The following PAPPA2 variants were observed in gnomAD, a reference collection of about 807,000 sequenced individuals.
The protein encoded by PAPPA2 is pappalysin 2.
A neutral mutation model predicts 176.4 loss-of-function variants in PAPPA2; 86 were observed. The observed-to-expected ratio is 0.49, with a 90% CI of 0.41 to 0.58. The LOEUF is 0.58. Ranked by LOEUF, PAPPA2 falls within the 20% of genes least tolerant of loss-of-function variation. PAPPA2 has a pLI of 0.00. For synonymous variants in PAPPA2, 809 were observed against 852.2 expected (o/e 0.95, Z 0.88); for missense variants, 2,073 against 2,256.9 (o/e 0.92, Z 1.65).
chr1:176,595,485 C>T lies in PAPPA2; in HGVS notation c.1881C>T (p.Leu627=). Residue 627 remains leucine, a synonymous_variant, in exon 3 of 23, where the codon CTC becomes CTT. Coordinates refer to ENST00000367662, the MANE Select transcript of PAPPA2 (RefSeq NM_020318.3). ...RCYSWNRRDG[L]CHVECNNMLN... is the part of the protein sequence containing the mutation. ...ACTCCTGGAACCGCAGGGATGGGCT[C>T]TGTCACGTGGAGTGTAACAACATGC... 6.2e-7 allele frequency: 1 copy of T among 1,614,232 alleles called. No individual in the cohort carries two copies. Among genetic ancestry groups the T allele is most frequent in the Non-Finnish European group, 8.5e-7 (1 of 1,180,036 alleles).
Position 176,592,008 on chromosome 1 carries a change from G to T in PAPPA2, c.920-2516G>T, listed in dbSNP as rs114782104. Among the ~76,000 whole-genome samples the T allele has an allele frequency of 7.1e-3, 1,088 of 152,230 alleles. 10 individuals carry two copies. Among genetic ancestry groups the T allele is most frequent in the Middle Eastern group, 0.024 (7 of 294 alleles). ...GGAATTTGATTTCTTTTGTAATATG[G>T]TATAAGCTCTCAATATGGCTTCAAA... On this transcript the variant is annotated intron_variant, in intron 2 of 22. Coordinates refer to ENST00000367662, the MANE Select transcript of PAPPA2 (RefSeq NM_020318.3).
At chr1:176,670,833 G>A (rs1417551376) in intron 3 of PAPPA2, 137 bp from the exon 4 acceptor site, 1 of 1,003,670 alleles carries the variant, frequency 1.0e-6, no homozygotes, top group African/African-American at 1.6e-5. Flanking sequence ...CTTCATGACA[G>A]GCTGGTCTCT....
intron 3 of PAPPA2, among the ~76,000 whole-genome samples, chr1:176,602,810 G>A (rs1189297571): frequency 6.6e-6 from 1 of 152,134 alleles, no homozygotes; most frequent in Non-Finnish European, 1.5e-5. Context: ...ACTGGCAATG[G>A]GAATAGAAGG....
At chr1:176,500,821 G>A (rs1041766120) in intron 1 of PAPPA2, among the ~76,000 whole-genome samples, 1 of 151,246 alleles carries the variant, frequency 6.6e-6, no homozygotes, top group Non-Finnish European at 1.5e-5. Flanking sequence ...TACTGTTGAC[G>A]TCATGGCTGA....
chr1:176,619,783 T>C (rs999475463), intron 3 of PAPPA2, among the ~76,000 whole-genome samples: 1 of 152,180 alleles, frequency 6.6e-6, no homozygotes, highest in Admixed American at 6.5e-5. Flanking sequence ...AGTAATATGG[T>C]CATCAAGTAA....
intron 11 of PAPPA2, 94 bp downstream of exon 11, chr1:176,710,270 AAAG>A (rs1661086016): frequency 2.6e-6 from 3 of 1,157,622 alleles, no homozygotes; most frequent in Non-Finnish European, 2.5e-6. Flanking sequence ...TGGATAATTA[AAAG>A]AAGAAGTAAG....
chr1:176,550,166 TC>T (rs1383679214), intron 1 of PAPPA2, among the ~76,000 whole-genome samples: 1 of 152,238 alleles, frequency 6.6e-6, no homozygotes, highest in Non-Finnish European at 1.5e-5. Context: ...CTGGCTGTGT[TC>T]TTACTGTCTG....
intron 14 of PAPPA2, among the ~76,000 whole-genome samples, 163 bp from the exon 15 acceptor site, chr1:176,765,503 A>C (rs1184562371): frequency 1.3e-5 from 2 of 152,174 alleles, no homozygotes; most frequent in Non-Finnish European, 2.9e-5. Flanking sequence ...ATTATGCTGC[A>C]TGGTGTTGGG....
Position 176,791,385 on chromosome 1 carries a change from G to A in PAPPA2, c.4923G>A (p.Gln1641=). The A allele has an allele frequency of 6.2e-7, 1 of 1,611,866 alleles. No homozygotes were observed. Among genetic ancestry groups the A allele is most frequent in the Non-Finnish European group, 8.5e-7 (1 of 1,178,200 alleles). Residue 1641 remains glutamine, a synonymous_variant, in exon 19 of 23, where the codon CAG becomes CAA. Transcript: ENST00000367662. The part of the protein sequence containing the change: ...ILCTKEGLWT[Q]EFKLCENLQG... ...GCACTAAAGAGGGCCTGTGGACCCA[G>A]GAGTTTAAGTTGTGTGAGAATCTGC...
At chr1:176,512,451 G>A (rs1021258960) in intron 1 of PAPPA2, among the ~76,000 whole-genome samples, 3 of 152,084 alleles carry the variant, frequency 2.0e-5, no homozygotes, top group Admixed American at 6.6e-5. Flanking sequence ...AATTTCAAAA[G>A]CATTATGCCA....
At chr1:176,535,681 G>C (rs898717959) in intron 1 of PAPPA2, among the ~76,000 whole-genome samples, 2 of 152,190 alleles carry the variant, frequency 1.3e-5, no homozygotes, top group African/African-American at 4.8e-5. Flanking sequence ...GACAGACCTA[G>C]TTCTAATCTC....
chr1:176,565,015 A>T (rs1439142097), intron 2 of PAPPA2, among the ~76,000 whole-genome samples: 1 of 152,084 alleles, frequency 6.6e-6, no homozygotes, highest in African/African-American at 2.4e-5. Context: ...ATTCTGTGTT[A>T]TTTCATAAAA....
intron 3 of PAPPA2, 54 bp from the exon 4 acceptor site, chr1:176,670,916 T>C: frequency 6.2e-7 from 1 of 1,606,532 alleles, no homozygotes; most frequent in Non-Finnish European, 8.5e-7. Context: ...GCTCTGCTAT[T>C]CTCTAAGTAC....
intron 20 of PAPPA2, among the ~76,000 whole-genome samples, chr1:176,796,600 C>CTT (rs761645073): frequency 7.4e-5 from 9 of 121,932 alleles, no homozygotes; most frequent in Middle Eastern, 4.2e-3. Flanking sequence ...CTTTCTCTTT[C>CTT]TTTTCTTTTC....
chr1:176,623,758 C>CCTTCCTTCCTTTCTTTCTTTTTCTTT (rs1198828841), intron 3 of PAPPA2, among the ~76,000 whole-genome samples: 1 of 59,042 alleles, frequency 1.7e-5, no homozygotes, highest in South Asian at 8.8e-4. Flanking sequence ...TTCCTTCCTT[C>CCTTCCTTCCTTTCTTTCTTTTTCTTT]CTTTCTTTCT....
At chr1:176,659,389 A>T (rs1483573502) in intron 3 of PAPPA2, among the ~76,000 whole-genome samples, 1 of 152,056 alleles carries the variant, frequency 6.6e-6, no homozygotes, top group Non-Finnish European at 1.5e-5. Context: ...GTATCTCCAC[A>T]TAATCTTCCC....
intron 3 of PAPPA2, among the ~76,000 whole-genome samples, chr1:176,632,171 T>G (rs370620075): frequency 6.6e-6 from 1 of 152,004 alleles, no homozygotes; most frequent in Non-Finnish European, 1.5e-5. Context: ...TAGAGATATG[T>G]TGGATTGCTA....
chr1:176,547,870 C>A (rs929116920), intron 1 of PAPPA2, among the ~76,000 whole-genome samples: 1 of 152,186 alleles, frequency 6.6e-6, no homozygotes, highest in Non-Finnish European at 1.5e-5. Context: ...CCCATAGAAG[C>A]TATTCCTTTA....
At chr1:176,515,920 A>G (rs908722419) in intron 1 of PAPPA2, among the ~76,000 whole-genome samples, 9 of 151,700 alleles carry the variant, frequency 5.9e-5, no homozygotes, top group African/African-American at 2.2e-4. Flanking sequence ...GCACTTGAAG[A>G]CTCTCATTTA....
Sources: gnomAD v4.1 joint callset for allele counts (sites outside exome capture counted in the v4.1 genomes callset) on GRCh38, gnomAD v4.1.1 for gene constraint, MANE v1.5 for transcripts, NCBI Gene and HGNC (gene_info 2026-07-23, HGNC 2026-07-21) for gene names.